INAFM1: variants seen among roughly 807,000 people sequenced by gnomAD.
INAFM1 encodes putative transmembrane protein INAFM1.
A neutral mutation model predicts 9.4 loss-of-function variants in INAFM1; 11 were observed. That is an observed-to-expected ratio of 1.17 (90% CI 0.74 to 1.94). The LOEUF is 1.94. Among genes scored for constraint, INAFM1 ranks in the 30% most tolerant of loss-of-function variants. The pLI is 0.00. For synonymous variants in INAFM1, 161 were observed against 109.5 expected, an observed-to-expected ratio of 1.47 and a Z score of -2.94; for missense variants, 318 against 221.6, an observed-to-expected ratio of 1.44 and a Z score of -2.76.
rs1365790619 is a variant in INAFM1, at chr19:47,274,885, G to T, written c.-35G>T. 4.7e-5 allele frequency: 58 copies of T among 1,247,264 alleles called. No homozygotes were observed. The Middle Eastern group carries it at 9.4e-4, about 20-fold the overall frequency. 77.3% of individuals were successfully genotyped at this position (1,247,264 alleles called of 1,614,324 possible). On this transcript the variant is annotated 5_prime_UTR_variant, in exon 1 of 1. Coordinates refer to ENST00000552360, the MANE Select transcript of INAFM1 (RefSeq NM_178511.6). ...GGGGCCTGGTGGGGGCGGGGCCTGT[G>T]CGGTCTGCGGCGCGGAGCCGAGTGG... is the stretch of plus-strand genomic sequence containing the variant.
chr19:47,275,179 C>T lies in INAFM1; in HGVS notation c.260C>T (p.Ala87Val), dbSNP rs1000936321. 13 of 1,465,816 alleles carry T rather than the reference C, an allele frequency of 8.9e-6. No homozygotes were observed. Among genetic ancestry groups the T allele is most frequent in the African/African-American group, 1.5e-5 (1 of 67,276 alleles). 90.8% of individuals were successfully genotyped at this position (1,465,816 alleles called of 1,614,324 possible). A position where few individuals can be genotyped will look rare whatever the true frequency, so the allele number is the denominator to read the frequency against. Residue 87 changes from alanine to valine, a missense_variant, in exon 1 of 1, where the codon GCG (alanine) becomes GTG (valine). Transcript: ENST00000552360. ...AARPGVPPVP[A>V]PAAASLSCLL... is the part of the protein sequence containing the mutation. Reference sequence around the variant, plus strand: ...CGCCCGGGCGTGCCGCCTGTCCCGGCGCCCGCCGCTGCCTCCCTCTCCTGC... The same window carrying T: ...CGCCCGGGCGTGCCGCCTGTCCCGGTGCCCGCCGCTGCCTCCCTCTCCTGC...
At position 47,275,382 on chromosome 19, in the gene INAFM1, C is replaced by G. The variant is rs761642150; in HGVS notation, c.*34C>G. The stretch of plus-strand genomic sequence containing the variant: ...TCCACCCCAACCCGGATCGCCAGCC[C>G]TCGAGAGCTCTGTGCTCCACGCCGA... On this transcript the variant is annotated 3_prime_UTR_variant, in exon 1 of 1. Transcript: ENST00000552360. The G allele has an allele frequency of 3.3e-6, 5 of 1,526,908 alleles. No homozygotes were observed. Among genetic ancestry groups the G allele is most frequent in the African/African-American group, 2.9e-5 (2 of 69,992 alleles). 94.6% of individuals were successfully genotyped at this position (1,526,908 alleles called of 1,614,324 possible).
Position 47,275,064 on chromosome 19 carries a change from G to A in INAFM1, c.145G>A (p.Val49Met), listed in dbSNP as rs1436711975. Reference sequence around the variant, plus strand: ...CTCGCTAGCTGCCGTGCTGCTCGCCGTGTACTACGGTCTCATCTGGGTACC... The same window carrying A: ...CTCGCTAGCTGCCGTGCTGCTCGCCATGTACTACGGTCTCATCTGGGTACC... ...CVSLAAVLLA[V>M]YYGLIWVPTR... is the part of the protein sequence containing the mutation. The change falls in exon 1 of 1, where the codon GTG becomes ATG. Residue 49 changes from valine to methionine, a missense_variant. Coordinates refer to ENST00000552360, the MANE Select transcript of INAFM1 (RefSeq NM_178511.6). 4 of 1,494,922 alleles carry A rather than the reference G, an allele frequency of 2.7e-6. No individual in the cohort carries two copies. Among genetic ancestry groups the A allele is most frequent in the African/African-American group, 2.9e-5 (2 of 68,578 alleles). The allele number at this position is 1,494,922 out of a possible 1,614,324, so 92.6% of individuals were successfully genotyped here.
At position 47,275,426 on chromosome 19, in the gene INAFM1, T is replaced by C; in HGVS notation, c.*78T>C. 1 of 1,477,816 alleles carries C rather than the reference T, an allele frequency of 6.8e-7. No homozygotes were observed. Among genetic ancestry groups the C allele is most frequent in the Non-Finnish European group, 9.0e-7 (1 of 1,110,588 alleles). The allele number at this position is 1,477,816 out of a possible 1,614,324, so 91.5% of individuals were successfully genotyped here. ...ACGCCGAGGATGCACCGTCTCTGGATTGGTCCGGCCTTCTTCCTAATGACA... is the reference window on the plus strand; with the variant it reads ...ACGCCGAGGATGCACCGTCTCTGGACTGGTCCGGCCTTCTTCCTAATGACA... On this transcript the variant is annotated 3_prime_UTR_variant, in exon 1 of 1. Transcript: ENST00000552360.
At position 47,275,461 on chromosome 19, in the gene INAFM1, G is replaced by A. The variant is rs2059154077; in HGVS notation, c.*113G>A. ...CTTCTTCCTAATGACATCGCTCAGC[G>A]TCTCTGGAGCCGTCATCCCGCGGAA... is the stretch of plus-strand genomic sequence containing the variant. On this transcript the variant is annotated 3_prime_UTR_variant, in exon 1 of 1. Transcript: ENST00000552360. The A allele has an allele frequency of 8.7e-6, 12 of 1,373,806 alleles. No homozygotes were observed. Among genetic ancestry groups the A allele is most frequent in the Middle Eastern group, 2.3e-4 (1 of 4,346 alleles). 85.1% of individuals were successfully genotyped at this position (1,373,806 alleles called of 1,614,324 possible). A position where few individuals can be genotyped will look rare whatever the true frequency, so the allele number is the denominator to read the frequency against.
upstream of INAFM1, chr19:47,274,884 T>C (rs2059146643): frequency 2.5e-6 from 3 of 1,199,278 alleles, no homozygotes; most frequent in Non-Finnish European, 3.1e-6. Flanking sequence ...GCGGGGCCTG[T>C]GCGGTCTGCG....
In INAFM1 at chr19:47,275,468, G is replaced by A; in HGVS notation, c.*120G>A. ...CTAATGACATCGCTCAGCGTCTCTG[G>A]AGCCGTCATCCCGCGGAATGGGGGC... On this transcript the variant is annotated 3_prime_UTR_variant, in exon 1 of 1. Coordinates refer to ENST00000552360, the MANE Select transcript of INAFM1 (RefSeq NM_178511.6). The A allele has an allele frequency of 7.4e-7, 1 of 1,358,832 alleles. No individual in the cohort carries two copies. The highest frequency in any genetic ancestry group is 9.7e-7 in the Non-Finnish European group (1 of 1,032,550). The allele number at this position is 1,358,832 out of a possible 1,614,324, so 84.2% of individuals were successfully genotyped here.
upstream of INAFM1, chr19:47,274,758 A>C: frequency 1.5e-5 from 4 of 267,474 alleles, no homozygotes; most frequent in Non-Finnish European, 1.6e-5. Flanking sequence ...GGGTGGGCCT[A>C]GGATGCGGAG....
At chr19:47,274,674 G>A (rs12978387), upstream of INAFM1, 3 of 236,466 alleles carry the variant, frequency 1.3e-5, no homozygotes, top group Admixed American at 1.4e-4. Flanking sequence ...GTGGGGCTAA[G>A]CGCGGGGGCG....
In INAFM1 at chr19:47,275,571, C is replaced by G. The variant is rs1444469207; in HGVS notation, c.*223C>G. ...CCGGGTCCTCCACCATCAGGAAGAT[C>G]CCATCCTGAGCTCTGTCTCCTGCCC... On this transcript the variant is annotated 3_prime_UTR_variant, in exon 1 of 1. Transcript: ENST00000552360. 2 of 602,006 alleles carry G rather than the reference C, an allele frequency of 3.3e-6. No homozygotes were observed. Among genetic ancestry groups the G allele is most frequent in the Admixed American group, 3.7e-5 (1 of 27,050 alleles). The allele number at this position is 602,006 out of a possible 1,614,324, so 37.3% of individuals were successfully genotyped here.
At chr19:47,274,565 A>T (rs979675785), upstream of INAFM1, 1 of 164,280 alleles carries the variant, frequency 6.1e-6, no homozygotes, top group African/African-American at 2.8e-5. Flanking sequence ...GAGCGGGACG[A>T]GGGGGCGGGC....
At position 47,274,990 on chromosome 19, in the gene INAFM1, G is replaced by T; in HGVS notation, c.71G>T (p.Arg24Leu). Residue 24 changes from arginine (R) to leucine (L), a missense_variant, in exon 1 of 1, where the codon CGG becomes CTG. Physicochemically the swap from Arg to Leu is moderately radical, Grantham distance 102. Coordinates refer to ENST00000552360, the MANE Select transcript of INAFM1 (RefSeq NM_178511.6). ...PGGAGLSEGP[R>L]GRWLRLAPVC... Reference sequence around the variant, plus strand: ...GGCGCGGGGCTGAGCGAGGGCCCGCGGGGGCGCTGGCTGCGCTTGGCTCCG... The same window carrying T: ...GGCGCGGGGCTGAGCGAGGGCCCGCTGGGGCGCTGGCTGCGCTTGGCTCCG... The T allele has an allele frequency of 1.4e-6, 2 of 1,468,068 alleles. No individual in the cohort carries two copies. Among genetic ancestry groups the T allele is most frequent in the Non-Finnish European group, 9.0e-7 (1 of 1,113,926 alleles). 90.9% of individuals were successfully genotyped at this position (1,468,068 alleles called of 1,614,324 possible).
chr19:47,275,523 C>G lies in INAFM1; in HGVS notation c.*175C>G. ...GGGGTGTCAGCTCGGGGCCTTGCCT[C>G]TTGCAGCTACTCTGTGGTCAGGCCG... On this transcript the variant is annotated 3_prime_UTR_variant, in exon 1 of 1. Transcript: ENST00000552360. 2 of 848,816 alleles carry G rather than the reference C, an allele frequency of 2.4e-6. No homozygotes were observed. The highest frequency in any genetic ancestry group is 6.4e-5 in the East Asian group (2 of 31,126). The allele number at this position is 848,816 out of a possible 1,614,324, so 52.6% of individuals were successfully genotyped here. A position where few individuals can be genotyped will look rare whatever the true frequency, so the allele number is the denominator to read the frequency against.
At chr19:47,274,589 A>C, upstream of INAFM1, 15 of 163,562 alleles carry the variant, frequency 9.2e-5, no homozygotes, top group East Asian at 1.7e-4. Flanking sequence ...GAGGCGGGCT[A>C]GATGCCTGGG....
chr19:47,275,381 CCTCGAGAGCTCTGTG>C lies in INAFM1; in HGVS notation c.*37_*51del. The C allele has an allele frequency of 6.5e-7, 1 of 1,527,430 alleles. No individual in the cohort carries two copies. 94.6% of individuals were successfully genotyped at this position (1,527,430 alleles called of 1,614,324 possible). A position where few individuals can be genotyped will look rare whatever the true frequency, so the allele number is the denominator to read the frequency against. Reference sequence around the variant, plus strand: ...TTCCACCCCAACCCGGATCGCCAGCCCTCGAGAGCTCTGTGCTCCACGCCGAGGATGCACCGTCTC... The same window carrying C: ...TTCCACCCCAACCCGGATCGCCAGCCCTCCACGCCGAGGATGCACCGTCTC... On this transcript the variant is annotated 3_prime_UTR_variant, in exon 1 of 1. Coordinates refer to ENST00000552360, the MANE Select transcript of INAFM1 (RefSeq NM_178511.6).
Position 47,275,231 on chromosome 19 carries a change from A to AC in INAFM1, c.316dup (p.Gln106ProfsTer16). 6.5e-7 allele frequency: 1 copy of AC among 1,531,262 alleles called. No individual in the cohort carries two copies. Among genetic ancestry groups the AC allele is most frequent in the South Asian group, 1.2e-5 (1 of 83,276 alleles). 94.9% of individuals were successfully genotyped at this position (1,531,262 alleles called of 1,614,324 possible). A position where few individuals can be genotyped will look rare whatever the true frequency, so the allele number is the denominator to read the frequency against. On this transcript the variant is annotated frameshift_variant, in exon 1 of 1. Coordinates refer to ENST00000552360, the MANE Select transcript of INAFM1 (RefSeq NM_178511.6). LOFTEE classifies it high-confidence loss of function. Reference sequence around the variant, plus strand: ...TCCTGGGAGTCCCCGGCGGGCCGCGACCCCAGCTCCAGCTGCCGCTGAGCC... The same window carrying AC: ...TCCTGGGAGTCCCCGGCGGGCCGCGACCCCCAGCTCCAGCTGCCGCTGAGCC...
At position 47,275,096 on chromosome 19, in the gene INAFM1, G is replaced by A; in HGVS notation, c.177G>A (p.Arg59=). ...VYYGLIWVPT[R]SPAAPAGPQP... ...ACGGTCTCATCTGGGTACCCACGCG[G>A]TCTCCCGCGGCACCCGCCGGCCCAC... is the stretch of plus-strand genomic sequence containing the variant. Residue 59 remains arginine (R), a synonymous_variant, in exon 1 of 1, where the codon CGG becomes CGA. Transcript: ENST00000552360. The A allele has an allele frequency of 6.7e-7, 1 of 1,494,186 alleles. No individual in the cohort carries two copies. Among genetic ancestry groups the A allele is most frequent in the South Asian group, 1.3e-5 (1 of 79,368 alleles). 92.6% of individuals were successfully genotyped at this position (1,494,186 alleles called of 1,614,324 possible). A position where few individuals can be genotyped will look rare whatever the true frequency, so the allele number is the denominator to read the frequency against.
In INAFM1 at chr19:47,274,900, G is replaced by T; in HGVS notation, c.-20G>T. The T allele has an allele frequency of 1.6e-6, 2 of 1,277,016 alleles. No individual in the cohort carries two copies. Among genetic ancestry groups the T allele is most frequent in the Non-Finnish European group, 9.8e-7 (1 of 1,021,136 alleles). 79.1% of individuals were successfully genotyped at this position (1,277,016 alleles called of 1,614,324 possible). Reference sequence around the variant, plus strand: ...CGGGGCCTGTGCGGTCTGCGGCGCGGAGCCGAGTGGGCTGCGGGGATGCGG... The same window carrying T: ...CGGGGCCTGTGCGGTCTGCGGCGCGTAGCCGAGTGGGCTGCGGGGATGCGG... On this transcript the variant is annotated 5_prime_UTR_variant, in exon 1 of 1. Transcript: ENST00000552360.
rs770319502 is a variant in INAFM1 at position 47,275,151 on chromosome 19, G to A, written c.232G>A (p.Ala78Thr). ...QPSAPSPPCAARPGVPPVPAP... is the reference protein window; with the variant it reads ...QPSAPSPPCATRPGVPPVPAP... ...CAGCGCGCCGTCCCCTCCGTGTGCTGCCCGCCCGGGCGTGCCGCCTGTCCC... is the reference window on the plus strand; with the variant it reads ...CAGCGCGCCGTCCCCTCCGTGTGCTACCCGCCCGGGCGTGCCGCCTGTCCC... Residue 78 changes from alanine to threonine, a missense_variant, in exon 1 of 1, where the codon GCC becomes ACC. By Grantham distance (58) the Ala-to-Thr change is moderately conservative (BLOSUM62 0). Coordinates refer to ENST00000552360, the MANE Select transcript of INAFM1 (RefSeq NM_178511.6). 3 of 1,484,240 alleles carry A rather than the reference G, an allele frequency of 2.0e-6. No homozygotes were observed. Among genetic ancestry groups the A allele is most frequent in the Non-Finnish European group, 2.7e-6 (3 of 1,122,206 alleles). 91.9% of individuals were successfully genotyped at this position (1,484,240 alleles called of 1,614,324 possible).
Sources: gnomAD v4.1 joint callset for allele counts on GRCh38, gnomAD v4.1.1 for gene constraint, MANE v1.5 for transcripts, NCBI Gene and HGNC (gene_info 2026-07-23, HGNC 2026-07-21) for gene names.